Variants in SMIM14 observed in about 807,000 individuals in gnomAD.
SMIM14 encodes chromosome 4 open reading frame 34.
Under a neutral mutation model 12.6 loss-of-function variants are expected in SMIM14, and 5 were observed. The observed-to-expected ratio is 0.40, with a 90% CI of 0.21 to 0.83. The LOEUF is 0.83. Among genes scored for constraint, SMIM14 ranks in the 40% least tolerant of loss-of-function variants. SMIM14 has a pLI of 0.37. For missense variants in SMIM14, 86 were observed against 119.1 expected, an observed-to-expected ratio of 0.72 and a Z score of 1.29; for synonymous variants, 30 against 40.1, an observed-to-expected ratio of 0.75 and a Z score of 0.95.
At chr4:39,556,381 A>C (rs1224577100) in intron 4 of SMIM14, 47 bp downstream of exon 4, 3 of 1,573,108 alleles carry the variant, frequency 1.9e-6, no homozygotes, top group Non-Finnish European at 2.6e-6. Context: ...GCCCCAGGCC[A>C]CATACATTCC....
At chr4:39,570,735 C>A (rs28529322) in intron 3 of SMIM14, among the ~76,000 whole-genome samples, 18,548 of 151,834 alleles carry the variant, frequency 0.12, 2,593 homozygotes, top group African/African-American at 0.34. Context: ...TAGCTCACTG[C>A]AGCCTCAAAC....
chr4:39,593,011 C>A (rs1714183213), intron 2 of SMIM14: 1 of 151,668 alleles, frequency 6.6e-6, no homozygotes, highest in African/African-American at 2.4e-5. Flanking sequence ...TGAAACTATT[C>A]CAATCAATAG....
At position 39,572,710 on chromosome 4, in the gene SMIM14, T is replaced by A. The variant is rs79442646; in HGVS notation, c.76-247A>T. The stretch of plus-strand genomic sequence containing the variant: ...GGTGGTGTGTGCCTGTAGTCTCAGC[T>A]ATTAGGGAGGCTGAGGTGGGAGGAT... On this transcript the variant is annotated intron_variant, in intron 2 of 4. Transcript: ENST00000295958. 4.3e-3 allele frequency among the ~76,000 whole-genome samples: 650 copies of A among 152,004 alleles called. 23 individuals carry two copies. In the East Asian group the frequency reaches 0.085, roughly 20 times the overall value.
intron 2 of SMIM14, among the ~76,000 whole-genome samples, chr4:39,579,747 G>A (rs1713397702): frequency 1.3e-5 from 2 of 151,512 alleles, no homozygotes; most frequent in East Asian, 1.9e-4. Flanking sequence ...GGGAGGCTGA[G>A]GCAGGAGAAT....
chr4:39,620,245 C>T (rs905859740), intron 1 of SMIM14, among the ~76,000 whole-genome samples: 4 of 151,504 alleles, frequency 2.6e-5, no homozygotes, highest in African/African-American at 7.3e-5. Context: ...TTTGGGAGAC[C>T]GAGGCGGGCG....
chr4:39,628,005 A>C (rs547057111), intron 1 of SMIM14, among the ~76,000 whole-genome samples: 4 of 152,328 alleles, frequency 2.6e-5, no homozygotes, highest in African/African-American at 9.6e-5. Context: ...ATGGAGAGAA[A>C]ATTTTTTAAT....
intron 2 of SMIM14, among the ~76,000 whole-genome samples, chr4:39,581,518 C>CTTCTTTTTT (rs1713491298): frequency 2.3e-5 from 3 of 132,094 alleles, no homozygotes; most frequent in African/African-American, 8.2e-5. Context: ...TTTTCTTTTT[C>CTTCTTTTTT]TTTTTTTTTT....
At chr4:39,618,668 A>C (rs529166209) in intron 1 of SMIM14, among the ~76,000 whole-genome samples, 18 of 151,556 alleles carry the variant, frequency 1.2e-4, no homozygotes, top group South Asian at 1.0e-3. Flanking sequence ...AAAAAAACAA[A>C]AAAAAAAAAC....
At chr4:39,582,867 TCAC>T (rs997609155) in intron 2 of SMIM14, among the ~76,000 whole-genome samples, 11 of 152,046 alleles carry the variant, frequency 7.2e-5, no homozygotes, top group Admixed American at 7.2e-4. Flanking sequence ...AGATCTCAGC[TCAC>T]CACAACCTCC....
chr4:39,597,059 A>G (rs1244845908), intron 2 of SMIM14, among the ~76,000 whole-genome samples: 3 of 147,652 alleles, frequency 2.0e-5, no homozygotes, highest in African/African-American at 7.5e-5. Flanking sequence ...TACAGGGATG[A>G]GCCACGGTGC....
At chr4:39,630,510 T>C (rs1159132818) in intron 1 of SMIM14, among the ~76,000 whole-genome samples, 5 of 152,096 alleles carry the variant, frequency 3.3e-5, no homozygotes, top group Non-Finnish European at 7.4e-5. Context: ...TGCACAAAGA[T>C]GCGCATAAAC....
chr4:39,566,958 T>C (rs2109999227), intron 3 of SMIM14, among the ~76,000 whole-genome samples: 1 of 149,978 alleles, frequency 6.7e-6, no homozygotes, highest in South Asian at 2.1e-4. Context: ...AGTGTGAGAC[T>C]CCATCTCAAA....
chr4:39,599,002 T>C (rs1186866259), intron 2 of SMIM14, among the ~76,000 whole-genome samples: 1 of 152,242 alleles, frequency 6.6e-6, no homozygotes, highest in Non-Finnish European at 1.5e-5. Context: ...GTCTTCTTTC[T>C]TGGCTTATGC....
At chr4:39,556,661 T>C (rs957901632) in intron 3 of SMIM14, 91 bp from the exon 4 acceptor site, 7 of 1,131,686 alleles carry the variant, frequency 6.2e-6, no homozygotes, top group Non-Finnish European at 8.3e-6. Flanking sequence ...AATTACTGTA[T>C]TAATATAAAA....
In SMIM14 at chr4:39,619,148, A is replaced by ATAATTATAATTTAAT. The variant is rs1298458728; in HGVS notation, c.-35-13983_-35-13969dup. Among the ~76,000 whole-genome samples, 5 of 149,054 alleles carry ATAATTATAATTTAAT rather than the reference A, an allele frequency of 3.4e-5. No individual in the cohort carries two copies. The South Asian group carries it at 1.0e-3, about 31-fold the overall frequency. On this transcript the variant is annotated intron_variant, in intron 1 of 4. Coordinates refer to ENST00000295958, the MANE Select transcript of SMIM14 (RefSeq NM_174921.3). The stretch of plus-strand genomic sequence containing the variant: ...ATTAAATATATATGAGAAAATTGAG[A>ATAATTATAATTTAAT]TAATTATAATTTAATTTATTATATA...
chr4:39,584,501 A>AAAAAAAAAAAAAAAAAAAAAAAC, intron 2 of SMIM14, among the ~76,000 whole-genome samples: 1 of 135,966 alleles, frequency 7.4e-6, no homozygotes, highest in Non-Finnish European at 1.6e-5. Context: ...AAAAAAAAAA[A>AAAAAAAAAAAAAAAAAAAAAAAC]AAAAGACAAA....
At chr4:39,565,785 A>G (rs1712539289) in intron 3 of SMIM14, among the ~76,000 whole-genome samples, 1 of 152,120 alleles carries the variant, frequency 6.6e-6, no homozygotes, top group African/African-American at 2.4e-5. Flanking sequence ...CACAATTCCC[A>G]TATGTCATGG....
At chr4:39,596,746 C>G (rs1325652484) in intron 2 of SMIM14, among the ~76,000 whole-genome samples, 1 of 152,160 alleles carries the variant, frequency 6.6e-6, no homozygotes, top group Non-Finnish European at 1.5e-5. Context: ...TAGCACTTCT[C>G]TGATACTTCT....
chr4:39,552,481 G>A (rs1414829329), intron 4 of SMIM14, among the ~76,000 whole-genome samples: 1 of 152,182 alleles, frequency 6.6e-6, no homozygotes, highest in East Asian at 1.9e-4. Context: ...CCCCAGGAGT[G>A]ATCTTCAAAC....
Sources: allele counts gnomAD v4.1 joint callset (sites outside exome capture counted in the v4.1 genomes callset), GRCh38; gene constraint gnomAD v4.1.1; transcripts MANE v1.5; gene names NCBI Gene and HGNC (gene_info 2026-07-23, HGNC 2026-07-21).